The following KCNA2 variants were observed in gnomAD, a reference collection of about 807,000 sequenced individuals.
The protein encoded by KCNA2 is potassium voltage-gated channel subfamily A member 2, also known as potassium channel, voltage gated shaker related subfamily A, member 2.
KCNA2 carries 11 observed loss-of-function variants against 33.4 expected under a neutral mutation model. The ratio of observed to expected loss-of-function variants is 0.33; its 90% CI spans 0.21 to 0.55. The LOEUF (loss-of-function observed/expected upper bound fraction) is 0.55. KCNA2 is among the 20% of genes least tolerant of loss of function. KCNA2 has a pLI of 0.93. For missense variants in KCNA2, 291 were observed against 621.6 expected, an observed-to-expected ratio of 0.47 and a Z score of 5.66; for synonymous variants, 222 against 231.3, an observed-to-expected ratio of 0.96 and a Z score of 0.37.
At chr1:110,623,261 G>A (rs1380013634) in intron 1 of KCNA2, among the ~76,000 whole-genome samples, 1 of 152,136 alleles carries the variant, frequency 6.6e-6, no homozygotes, top group African/African-American at 2.4e-5. Context: ...TATGCAACAT[G>A]AACACATGTA....
In KCNA2 at chr1:110,594,030, T is replaced by G; in HGVS notation, c.*9253A>C. On this transcript the variant is annotated 3_prime_UTR_variant, in exon 3 of 3. Transcript: ENST00000316361. Reference sequence around the variant, plus strand: ...CTTCAGCTCTCATTGGTCCCCAGCCTCTTATCACCATGGAGACCCCAGTTC... The same window carrying G: ...CTTCAGCTCTCATTGGTCCCCAGCCGCTTATCACCATGGAGACCCCAGTTC... 1 of 1,531,144 alleles carries G rather than the reference T, an allele frequency of 6.5e-7. No homozygotes were observed. The highest frequency in any genetic ancestry group is 8.8e-7 in the Non-Finnish European group (1 of 1,138,940). 94.8% of individuals were successfully genotyped at this position (1,531,144 alleles called of 1,614,324 possible).
At chr1:110,623,365 A>G (rs1002316600) in intron 1 of KCNA2, among the ~76,000 whole-genome samples, 1 of 152,176 alleles carries the variant, frequency 6.6e-6, no homozygotes, top group Non-Finnish European at 1.5e-5. Flanking sequence ...TTTCTAGAAA[A>G]AACAGAAAAT....
At chr1:110,612,592 C>T (rs1649911239) in intron 1 of KCNA2, among the ~76,000 whole-genome samples, 1 of 152,200 alleles carries the variant, frequency 6.6e-6, no homozygotes, top group African/African-American at 2.4e-5. Flanking sequence ...CAGTCTGGGT[C>T]ACTGCAACCC....
At position 110,596,116 on chromosome 1, in the gene KCNA2, C is replaced by CT. The variant is rs1410782851; in HGVS notation, c.*7166dup. The CT allele has an allele frequency of 3.0e-6, 3 of 984,906 alleles. No homozygotes were observed. Among genetic ancestry groups the CT allele is most frequent in the Non-Finnish European group, 3.6e-6 (3 of 829,888 alleles). 61.0% of individuals were successfully genotyped at this position (984,906 alleles called of 1,614,324 possible). A position where few individuals can be genotyped will look rare whatever the true frequency, so the allele number is the denominator to read the frequency against. The stretch of plus-strand genomic sequence containing the variant: ...GAAAGAGGTGATCCTGTAGCCTGTT[C>CT]TTTTTTTATGAAAGATCTGCCTTCT... On this transcript the variant is annotated 3_prime_UTR_variant, in exon 3 of 3. Coordinates refer to ENST00000316361, the MANE Select transcript of KCNA2 (RefSeq NM_004974.4).
In KCNA2 at chr1:110,597,393, TG is replaced by T. The variant is rs1370983452; in HGVS notation, c.*5889del. 16 of 985,278 alleles carry T rather than the reference TG, an allele frequency of 1.6e-5. No individual in the cohort carries two copies. Among genetic ancestry groups the T allele is most frequent in the Non-Finnish European group, 1.8e-5 (15 of 829,942 alleles). The allele number at this position is 985,278 out of a possible 1,614,324, so 61.0% of individuals were successfully genotyped here. ...CCAGACTGAGGGAAAGTCAACAAAA[TG>T]GGCTGAAAAGGTCACACAAACTTAG... On this transcript the variant is annotated 3_prime_UTR_variant, in exon 3 of 3. Transcript: ENST00000316361.
intron 1 of KCNA2, among the ~76,000 whole-genome samples, chr1:110,617,012 G>A (rs1650089087): frequency 1.3e-5 from 2 of 152,244 alleles, no homozygotes; most frequent in South Asian, 4.1e-4. Context: ...TTACGGAGGA[G>A]CAGAATGTCC....
In KCNA2 at chr1:110,603,088, T is replaced by A. The variant is rs909699913; in HGVS notation, c.*195A>T. On this transcript the variant is annotated 3_prime_UTR_variant, in exon 3 of 3. Transcript: ENST00000316361. This position sits in a 1 kb window ranked among gnomAD's most constrained non-coding sequence, Gnocchi z 5.7. ...TCTTTGGAAGTTCATAAGCCGGTGA[T>A]GAGGATGTGCATGAAAGCCATGATA... 2 of 1,414,800 alleles carry A rather than the reference T, an allele frequency of 1.4e-6. No individual in the cohort carries two copies. The highest frequency in any genetic ancestry group is 6.4e-5 in the Admixed American group (2 of 31,320). 87.6% of individuals were successfully genotyped at this position (1,414,800 alleles called of 1,614,324 possible).
At chr1:110,610,777 G>A (rs183433369), upstream of KCNA2, among the ~76,000 whole-genome samples, 16 of 152,286 alleles carry the variant, frequency 1.1e-4, no homozygotes, top group East Asian at 2.9e-3. Context: ...TGGTTTAGAA[G>A]GGAGTTGGTG....
Position 110,602,854 on chromosome 1 carries a change from T to C in KCNA2, c.*429A>G. The C allele has an allele frequency of 8.9e-6, 9 of 1,007,480 alleles. No individual in the cohort carries two copies. The highest frequency in any genetic ancestry group is 1.1e-5 in the Non-Finnish European group (9 of 844,688). 62.4% of individuals were successfully genotyped at this position (1,007,480 alleles called of 1,614,324 possible). A position where few individuals can be genotyped will look rare whatever the true frequency, so the allele number is the denominator to read the frequency against. On this transcript the variant is annotated 3_prime_UTR_variant, in exon 3 of 3. Coordinates refer to ENST00000316361, the MANE Select transcript of KCNA2 (RefSeq NM_004974.4). ...TGACCTTTTGAACAAACACCAGCTATTTAAAGCTAAGCCATGATTGTGTTC... is the reference window on the plus strand; with the variant it reads ...TGACCTTTTGAACAAACACCAGCTACTTAAAGCTAAGCCATGATTGTGTTC...
upstream of KCNA2, among the ~76,000 whole-genome samples, chr1:110,611,018 G>GAGGAAGGAAGGAAGGAAGGAAGGA (rs59353690): frequency 2.9e-4 from 42 of 144,250 alleles, no homozygotes; most frequent in South Asian, 6.1e-3. Flanking sequence ...AAGACAGAAT[G>GAGGAAGGAAGGAAGGAAGGAAGGA]AGGAAGGAAG....
chr1:110,618,983 G>T (rs1259994715), intron 1 of KCNA2, among the ~76,000 whole-genome samples: 2 of 152,134 alleles, frequency 1.3e-5, no homozygotes, highest in Non-Finnish European at 2.9e-5. Context: ...AACATAAATC[G>T]AGTTGTTTTA....
rs1649233652 is a variant in KCNA2, at chr1:110,599,234, C to G, written c.*4049G>C. On this transcript the variant is annotated 3_prime_UTR_variant, in exon 3 of 3. Coordinates refer to ENST00000316361, the MANE Select transcript of KCNA2 (RefSeq NM_004974.4). ...GGTGAAGCCTTTGCTAAAATGCACT[C>G]AGCTCTCAGCTAGTCCTACTTAGGG... The G allele has an allele frequency of 2.0e-6, 2 of 985,454 alleles. No individual in the cohort carries two copies. Among genetic ancestry groups the G allele is most frequent in the Non-Finnish European group, 2.4e-6 (2 of 829,918 alleles). The allele number at this position is 985,454 out of a possible 1,614,324, so 61.0% of individuals were successfully genotyped here.
chr1:110,620,059 A>C lies in KCNA2; in HGVS notation c.-496+11336T>G, dbSNP rs570488560. ...GAGAGAGAGAGAGCGAGAGCGAGAG[A>C]GAGAGAGAGAGAGAGAGAGAGAGAG... On this transcript the variant is annotated intron_variant, in intron 1 of 4. Transcript: ENST00000369770. Among the ~76,000 whole-genome samples the C allele has an allele frequency of 2.5e-3, 330 of 132,306 alleles. 2 individuals are homozygous for C. Among genetic ancestry groups the C allele is most frequent in the African/African-American group, 0.011 (322 of 30,208 alleles). The allele number at this position is 132,306 out of a possible 152,430, so 86.8% of individuals were successfully genotyped here. A position where few individuals can be genotyped will look rare whatever the true frequency, so the allele number is the denominator to read the frequency against.
At position 110,595,306 on chromosome 1, in the gene KCNA2, A is replaced by T. The variant is rs1462491466; in HGVS notation, c.*7977T>A. 1.0e-6 allele frequency: 1 copy of T among 985,352 alleles called. No individual in the cohort carries two copies. Among genetic ancestry groups the T allele is most frequent in the African/African-American group, 1.7e-5 (1 of 57,240 alleles). The allele number at this position is 985,352 out of a possible 1,614,324, so 61.0% of individuals were successfully genotyped here. ...AGTGCAGAGGAGCACAGAAAGTTAT[A>T]TCCATTTCCATGCTGAGGTTCATGA... On this transcript the variant is annotated 3_prime_UTR_variant, in exon 3 of 3. Coordinates refer to ENST00000316361, the MANE Select transcript of KCNA2 (RefSeq NM_004974.4).
rs1649036747 is a variant in KCNA2, at chr1:110,595,021, T to C, written c.*8262A>G. 1.0e-6 allele frequency: 1 copy of C among 985,232 alleles called. No individual in the cohort carries two copies. The highest frequency in any genetic ancestry group is 1.2e-6 in the Non-Finnish European group (1 of 829,928). The allele number at this position is 985,232 out of a possible 1,614,324, so 61.0% of individuals were successfully genotyped here. A position where few individuals can be genotyped will look rare whatever the true frequency, so the allele number is the denominator to read the frequency against. The stretch of plus-strand genomic sequence containing the variant: ...TTTATTCACTCATACAAACAAGGCA[T>C]TCGGTGTCTAGGGAATCATTTTCAA... On this transcript the variant is annotated 3_prime_UTR_variant, in exon 3 of 3. Transcript: ENST00000316361.
Position 110,604,986 on chromosome 1 carries a change from A to G in KCNA2, c.-163-41T>C, listed in dbSNP as rs1649534735. 1.8e-6 allele frequency: 1 copy of G among 561,738 alleles called. No individual in the cohort carries two copies. The highest frequency in any genetic ancestry group is 1.9e-5 in the African/African-American group (1 of 52,744). The allele number at this position is 561,738 out of a possible 1,614,324, so 34.8% of individuals were successfully genotyped here. A position where few individuals can be genotyped will look rare whatever the true frequency, so the allele number is the denominator to read the frequency against. On this transcript the variant is annotated intron_variant, in intron 2 of 2. Transcript: ENST00000316361. The surrounding 1 kb of genome is among the most constrained non-coding windows in gnomAD (Gnocchi z 7.6). ...AGTTATTGACATGAGGCTACTCAGC[A>G]TTGGCAGCCTGACCTGGGTTGCCAC...
At position 110,604,302 on chromosome 1, in the gene KCNA2, GC is replaced by G. The variant is rs759757583; in HGVS notation, c.480del (p.Pro161LeufsTer5). The G allele has an allele frequency of 6.2e-7, 1 of 1,614,066 alleles. No homozygotes were observed. The highest frequency in any genetic ancestry group is 1.3e-5 in the African/African-American group (1 of 74,984). On this transcript the variant is annotated frameshift_variant, in exon 3 of 3. Coordinates refer to ENST00000316361, the MANE Select transcript of KCNA2 (RefSeq NM_004974.4). LOFTEE classifies it high-confidence loss of function. The surrounding 1 kb of genome is among the most constrained non-coding windows in gnomAD (Gnocchi z 7.6). The stretch of plus-strand genomic sequence containing the variant: ...GACACAATAGCTATAATCCTGGCAG[GC>G]CCTGAGCTCTCTGGGTATTCAAAGA... ...WLLFEYPESSGPARIIAIVSV... is the reference protein window; with the variant it reads ...WLLFEYPESSXPARIIAIVSV...
rs1333076041 is a variant in KCNA2, at chr1:110,594,897, G to C, written c.*8386C>G. ...CTTCATAGGCTAAAAAGGCAGTAAT[G>C]TTAGCAGCTGACATGGAAATTGTTT... is the stretch of plus-strand genomic sequence containing the variant. On this transcript the variant is annotated 3_prime_UTR_variant, in exon 3 of 3. Coordinates refer to ENST00000316361, the MANE Select transcript of KCNA2 (RefSeq NM_004974.4). 17 of 985,316 alleles carry C rather than the reference G, an allele frequency of 1.7e-5. No homozygotes were observed. The highest frequency in any genetic ancestry group is 2.0e-5 in the Non-Finnish European group (17 of 829,960). The allele number at this position is 985,316 out of a possible 1,614,324, so 61.0% of individuals were successfully genotyped here. A position where few individuals can be genotyped will look rare whatever the true frequency, so the allele number is the denominator to read the frequency against.
rs1649089032 is a variant in KCNA2 at position 110,596,151 on chromosome 1, C to T, written c.*7132G>A. On this transcript the variant is annotated 3_prime_UTR_variant, in exon 3 of 3. Transcript: ENST00000316361. ...GAAAGATCTGCCTTCTAGAGAGGTCCCTAAGCAGAAAAAAAAAGAGTAGAA... is the reference window on the plus strand; with the variant it reads ...GAAAGATCTGCCTTCTAGAGAGGTCTCTAAGCAGAAAAAAAAAGAGTAGAA... 4.1e-6 allele frequency: 4 copies of T among 984,362 alleles called. No homozygotes were observed. The South Asian group carries it at 1.9e-4, about 46-fold the overall frequency. The allele number at this position is 984,362 out of a possible 1,614,324, so 61.0% of individuals were successfully genotyped here.
Sources: allele counts gnomAD v4.1 joint callset (sites outside exome capture counted in the v4.1 genomes callset), GRCh38; gene constraint gnomAD v4.1.1; non-coding constraint Gnocchi (gnomAD v3.1); transcripts MANE v1.5; gene names NCBI Gene and HGNC (gene_info 2026-07-23, HGNC 2026-07-21).